NME8: variants seen among roughly 807,000 people sequenced by gnomAD.
NME8 encodes the protein protein NME8.
Under a neutral mutation model 82.3 loss-of-function variants are expected in NME8, and 72 were observed. The observed-to-expected ratio is 0.87, with a 90% CI of 0.72 to 1.06. The LOEUF is 1.06. Among genes scored for constraint, NME8 ranks in the 50% least tolerant of loss-of-function variants. The pLI is 0.00. For synonymous variants in NME8, 267 were observed against 228.5 expected, an observed-to-expected ratio of 1.17 and a Z score of -1.52; for missense variants, 712 against 685.4, an observed-to-expected ratio of 1.04 and a Z score of -0.43.
At position 37,888,315 on chromosome 7, in the gene NME8, A is replaced by G. The variant is rs986680196; in HGVS notation, c.1286A>G (p.Asn429Ser). The G allele has an allele frequency of 6.2e-7, 1 of 1,613,736 alleles. No homozygotes were observed. The highest frequency in any genetic ancestry group is 8.5e-7 in the Non-Finnish European group (1 of 1,179,718). ...TTTGCGATGGACAGTTTGCCGGTCA[A>G]CCAGTTGTATGGCAGCGATTCATTA... is the stretch of plus-strand genomic sequence containing the variant. ...AQFAMDSLPV[N>S]QLYGSDSLET... Residue 429 changes from asparagine (N) to serine (S), a missense_variant, in exon 15 of 18, where the codon AAC (asparagine) becomes AGC (serine). Asn to Ser is a conservative substitution (Grantham distance 46). Coordinates refer to ENST00000199447, the MANE Select transcript of NME8 (RefSeq NM_016616.5).
intron 17 of NME8, among the ~76,000 whole-genome samples, chr7:37,897,984 A>G (rs374736335): frequency 6.6e-6 from 1 of 152,206 alleles, no homozygotes; most frequent in Non-Finnish European, 1.5e-5. Flanking sequence ...TCTTTATAGT[A>G]GAATGATTTA....
intron 12 of NME8, among the ~76,000 whole-genome samples, chr7:37,879,969 A>C (rs1025739566): frequency 6.6e-6 from 1 of 152,096 alleles, no homozygotes; most frequent in Non-Finnish European, 1.5e-5. Context: ...GCTTCTTTTC[A>C]TATGCTTACT....
chr7:37,860,186 T>TA (rs2131945720), intron 6 of NME8, among the ~76,000 whole-genome samples: 1 of 152,352 alleles, frequency 6.6e-6, no homozygotes, highest in South Asian at 2.1e-4. Flanking sequence ...CTTTTCAATT[T>TA]AAAAAATATA....
At chr7:37,878,074 A>T (rs1784884657) in intron 12 of NME8, among the ~76,000 whole-genome samples, 1 of 152,188 alleles carries the variant, frequency 6.6e-6, no homozygotes, top group Non-Finnish European at 1.5e-5. Context: ...TAGCAAAAGC[A>T]TTTGGTCTTT....
chr7:37,854,612 T>A (rs1025720487), intron 5 of NME8, among the ~76,000 whole-genome samples: 1 of 152,210 alleles, frequency 6.6e-6, no homozygotes, highest in Admixed American at 6.6e-5. Context: ...CAGTCTTGAA[T>A]AACTGGAATT....
chr7:37,892,842 G>A (rs2131973976), intron 15 of NME8, among the ~76,000 whole-genome samples: 1 of 151,986 alleles, frequency 6.6e-6, no homozygotes, highest in Non-Finnish European at 1.5e-5. Flanking sequence ...ACATTAGGGT[G>A]TCGTGTTACA....
At position 37,865,856 on chromosome 7, in the gene NME8, G is replaced by A. The variant is rs112108472; in HGVS notation, c.621+239G>A. ...TGGTCTGATTGTGTTTTGTTGACATGAAGACCTCTTTATGTCAGGCCCTCC... is the reference window on the plus strand; with the variant it reads ...TGGTCTGATTGTGTTTTGTTGACATAAAGACCTCTTTATGTCAGGCCCTCC... On this transcript the variant is annotated intron_variant, in intron 10 of 17. Coordinates refer to ENST00000199447, the MANE Select transcript of NME8 (RefSeq NM_016616.5). Among the ~76,000 whole-genome samples, 186 of 152,180 alleles carry A rather than the reference G, an allele frequency of 1.2e-3. 2 individuals are homozygous for A. The highest frequency in any genetic ancestry group is 4.4e-3 in the African/African-American group (182 of 41,516).
intron 1 of NME8, 35 bp from the exon 2 acceptor site, chr7:37,848,789 G>A (rs994387581): frequency 7.2e-5 from 11 of 152,320 alleles, no homozygotes; most frequent in African/African-American, 2.7e-4. Context: ...GGGCAGATGG[G>A]TTGGACAAAA....
intron 8 of NME8, among the ~76,000 whole-genome samples, chr7:37,863,907 CATA>C (rs1399797216): frequency 6.6e-6 from 1 of 152,144 alleles, no homozygotes; most frequent in Non-Finnish European, 1.5e-5. Context: ...GGCAAACAGC[CATA>C]ACCAAATGAG....
chr7:37,860,196 A>G (rs1270411969), intron 6 of NME8, among the ~76,000 whole-genome samples: 1 of 152,236 alleles, frequency 6.6e-6, no homozygotes, highest in Admixed American at 6.5e-5. Context: ...TAAAAAATAT[A>G]TAATACTTCT....
intron 14 of NME8, 143 bp from the exon 15 acceptor site, chr7:37,888,134 G>A (rs544689179): frequency 1.8e-5 from 14 of 773,098 alleles, no homozygotes; most frequent in East Asian, 5.3e-5. Context: ...GCCCTAAGCC[G>A]CCATGTACTT....
intron 16 of NME8, among the ~76,000 whole-genome samples, chr7:37,895,965 A>G (rs2598122): frequency 0.93 from 141,878 of 152,222 alleles, 66,432 homozygotes; most frequent in Non-Finnish European, 0.97. Flanking sequence ...CTACAATGAA[A>G]TAACCTAATG....
chr7:37,862,175 A>G, intron 7 of NME8, 31 bp downstream of exon 7: 6 of 1,419,446 alleles, frequency 4.2e-6, no homozygotes, highest in Non-Finnish European at 6.0e-6. Context: ...CAGTTTGAAG[A>G]CAAGCTTATC....
chr7:37,894,733 G>A (rs983072854), intron 16 of NME8, 123 bp downstream of exon 16: 3 of 995,508 alleles, frequency 3.0e-6, no homozygotes, highest in African/African-American at 3.2e-5. Flanking sequence ...AAGACATTCT[G>A]CTAACATTCA....
rs956908370 is a variant in NME8, at chr7:37,879,303, T to G, written c.994+2296T>G. ...AGCTGTGATTACAGGTGTGCCACCA[T>G]GCCCGGCTAATTTTTGTATTTTTAG... On this transcript the variant is annotated intron_variant, in intron 12 of 17. Transcript: ENST00000199447. Among the ~76,000 whole-genome samples the G allele has an allele frequency of 2.6e-5, 4 of 152,024 alleles. No homozygotes were observed. The East Asian group carries it at 7.7e-4, about 29-fold the overall frequency.
At chr7:37,871,662 A>G (rs1488077597) in intron 11 of NME8, among the ~76,000 whole-genome samples, 1 of 152,132 alleles carries the variant, frequency 6.6e-6, no homozygotes, top group East Asian at 1.9e-4. Context: ...GCTCACTTTC[A>G]GTTTAAGTCT....
chr7:37,859,065 A>G (rs1784558696), intron 6 of NME8, among the ~76,000 whole-genome samples: 1 of 152,126 alleles, frequency 6.6e-6, no homozygotes, highest in Non-Finnish European at 1.5e-5. Flanking sequence ...TGCTGGTGCC[A>G]TGTTTGTACA....
chr7:37,865,617 G>A lies in NME8; in HGVS notation c.621G>A (p.Gln207=), dbSNP rs373961351. Reference sequence around the variant, plus strand: ...ACTTCTATAGTCGAATAGCAGACCAGGTATGAAAGTTAAAAAGAAAAAATC... The same window carrying A: ...ACTTCTATAGTCGAATAGCAGACCAAGTATGAAAGTTAAAAAGAAAAAATC... ...VVNFYSRIAD[Q]CDFEEFVSFM... is the part of the protein sequence containing the mutation. The change falls in exon 10 of 18, where the codon CAG becomes CAA. Residue 207 remains glutamine, a splice_region_variant and synonymous_variant. Transcript: ENST00000199447. 2.5e-6 allele frequency: 4 copies of A among 1,603,232 alleles called. No individual in the cohort carries two copies. The highest frequency in any genetic ancestry group is 3.4e-6 in the Non-Finnish European group (4 of 1,170,452).
At chr7:37,861,781 G>A (rs899602174) in intron 6 of NME8, among the ~76,000 whole-genome samples, 14 of 152,298 alleles carry the variant, frequency 9.2e-5, no homozygotes, top group Middle Eastern at 3.4e-3. Flanking sequence ...CCTGCAGGGG[G>A]ATGACTTGCT....
Sources: gnomAD v4.1 joint callset for allele counts (sites outside exome capture counted in the v4.1 genomes callset) on GRCh38, gnomAD v4.1.1 for gene constraint, MANE v1.5 for transcripts, NCBI Gene and HGNC (gene_info 2026-07-23, HGNC 2026-07-21) for gene names.